The following GPC5 variants were observed in gnomAD, a reference collection of about 807,000 sequenced individuals.
GPC5 encodes glypican-5.
GPC5 carries 47 observed loss-of-function variants against 53.9 expected under a neutral mutation model. The observed-to-expected ratio is 0.87, with a 90% CI of 0.69 to 1.11. GPC5 has a LOEUF of 1.11. GPC5 is among the 50% of genes most tolerant of loss of function. The pLI, the probability that GPC5 is intolerant of heterozygous loss-of-function variation, is 0.00. For missense variants in GPC5, 748 were observed against 713.1 expected, an observed-to-expected ratio of 1.05 and a Z score of -0.56; for synonymous variants, 286 against 263.3, an observed-to-expected ratio of 1.09 and a Z score of -0.84.
In GPC5 at chr13:91,476,190, G is replaced by A. The variant is rs74621930; in HGVS notation, c.325+27268G>A. Among the ~76,000 whole-genome samples the A allele has an allele frequency of 4.3e-3, 660 of 152,276 alleles. 4 individuals are homozygous for A. Among genetic ancestry groups the A allele is most frequent in the African/African-American group, 0.015 (627 of 41,564 alleles). ...GACATCTACCCACTAGATGCCAGTA[G>A]CCCCTTCCCCGTTCCCAGCCATGAC... On this transcript the variant is annotated intron_variant, in intron 2 of 7. Coordinates refer to ENST00000377067, the MANE Select transcript of GPC5 (RefSeq NM_004466.6).
At chr13:92,277,820 G>C (rs1272442551) in intron 7 of GPC5, among the ~76,000 whole-genome samples, 1 of 151,756 alleles carries the variant, frequency 6.6e-6, no homozygotes, top group African/African-American at 2.4e-5. Context: ...TCAATATGTA[G>C]TCCATGAACA....
chr13:92,290,368 C>G (rs1260360957), intron 7 of GPC5, among the ~76,000 whole-genome samples: 1 of 152,096 alleles, frequency 6.6e-6, no homozygotes, highest in East Asian at 1.9e-4. Flanking sequence ...TATTGAGGAA[C>G]AGGTTGTGTT....
At chr13:91,555,710 A>G (rs926103065) in intron 2 of GPC5, among the ~76,000 whole-genome samples, 1 of 152,072 alleles carries the variant, frequency 6.6e-6, no homozygotes, top group South Asian at 2.1e-4. Flanking sequence ...TCATAGTTCC[A>G]TGTGGCTGGG....
chr13:92,443,859 G>A (rs751047502), intron 7 of GPC5, among the ~76,000 whole-genome samples: 20 of 152,188 alleles, frequency 1.3e-4, no homozygotes, highest in Non-Finnish European at 2.5e-4. Flanking sequence ...ATCTGTTTCT[G>A]AGGAAAATGA....
intron 5 of GPC5, among the ~76,000 whole-genome samples, chr13:91,891,645 T>C (rs1308525896): frequency 6.6e-6 from 1 of 152,112 alleles, no homozygotes; most frequent in Non-Finnish European, 1.5e-5. Context: ...ACCAAAAGCT[T>C]ATGAGAGAAA....
intron 7 of GPC5, among the ~76,000 whole-genome samples, chr13:92,753,587 A>G (rs1220100676): frequency 2.6e-5 from 4 of 152,142 alleles, no homozygotes; most frequent in Non-Finnish European, 5.9e-5. Context: ...TTTGAAAAAA[A>G]TTTAGAAGAA....
At chr13:91,938,615 C>A (rs1241146208) in intron 6 of GPC5, among the ~76,000 whole-genome samples, 1 of 152,100 alleles carries the variant, frequency 6.6e-6, no homozygotes, top group East Asian at 1.9e-4. Context: ...GTTTAAAGAG[C>A]ATCCTGTACC....
rs376157743 is a variant in GPC5 at position 91,540,308 on chromosome 13, C to A, written c.325+91386C>A. ...CACAACACTTCTCTGCCTTGTAAGA[C>A]CTGCCTCAAGATCACTCTGGCCAGG... On this transcript the variant is annotated intron_variant, in intron 2 of 7. Coordinates refer to ENST00000377067, the MANE Select transcript of GPC5 (RefSeq NM_004466.6). 1.7e-4 allele frequency among the ~76,000 whole-genome samples: 26 copies of A among 152,332 alleles called. No individual in the cohort carries two copies. In the East Asian group the frequency reaches 1.9e-3, roughly 11 times the overall value.
At chr13:91,551,237 C>T (rs1456021905) in intron 2 of GPC5, among the ~76,000 whole-genome samples, 4 of 151,908 alleles carry the variant, frequency 2.6e-5, no homozygotes, top group African/African-American at 9.7e-5. Flanking sequence ...GGCTATGGCT[C>T]AGTGAATAAA....
At chr13:91,654,554 A>G (rs1210820909) in intron 2 of GPC5, among the ~76,000 whole-genome samples, 2 of 152,192 alleles carry the variant, frequency 1.3e-5, no homozygotes, top group Non-Finnish European at 2.9e-5. Flanking sequence ...ATATACATGC[A>G]TACACGATGT....
intron 1 of GPC5, among the ~76,000 whole-genome samples, chr13:91,415,750 G>C (rs542572638): frequency 4.1e-5 from 6 of 146,804 alleles, no homozygotes; most frequent in South Asian, 2.2e-4. Context: ...CGGGGGTGGG[G>C]GGGGTGGGGG....
At chr13:92,220,389 G>C (rs1594009363) in intron 7 of GPC5, among the ~76,000 whole-genome samples, 1 of 152,286 alleles carries the variant, frequency 6.6e-6, no homozygotes, top group East Asian at 1.9e-4. Flanking sequence ...GCAACTCACT[G>C]ACCTTAGGAA....
At chr13:92,811,534 T>A (rs1877299519) in intron 7 of GPC5, among the ~76,000 whole-genome samples, 1 of 151,998 alleles carries the variant, frequency 6.6e-6, no homozygotes, top group South Asian at 2.1e-4. Flanking sequence ...TTATCAGATA[T>A]TAGATTTACA....
chr13:92,839,540 GA>G (rs112429541), intron 7 of GPC5, among the ~76,000 whole-genome samples: 14,759 of 152,058 alleles, frequency 0.097, 1,275 homozygotes, highest in African/African-American at 0.23. Context: ...ACTTATAAGT[GA>G]AAACATGTGG....
rs561812309 is a variant in GPC5, at chr13:92,546,966, T to C, written c.1562-319316T>C. On this transcript the variant is annotated intron_variant, in intron 7 of 7. Transcript: ENST00000377067. The stretch of plus-strand genomic sequence containing the variant: ...GTGCTGGGAAAACTGGCTAGCCATA[T>C]GTAGAAAGCTGAAACTGGATCCCTT... 3.2e-3 allele frequency among the ~76,000 whole-genome samples: 481 copies of C among 152,322 alleles called. 4 individuals are homozygous for C. Among genetic ancestry groups the C allele is most frequent in the African/African-American group, 0.011 (448 of 41,576 alleles).
At chr13:92,506,383 A>T (rs1447163173) in intron 7 of GPC5, among the ~76,000 whole-genome samples, 1 of 152,176 alleles carries the variant, frequency 6.6e-6, no homozygotes, top group Non-Finnish European at 1.5e-5. Flanking sequence ...AAGAAAAACT[A>T]AGGCCAGTTT....
At chr13:92,576,209 G>A (rs1883185689) in intron 7 of GPC5, among the ~76,000 whole-genome samples, 1 of 152,160 alleles carries the variant, frequency 6.6e-6, no homozygotes, top group African/African-American at 2.4e-5. Context: ...ACATAAATGT[G>A]TTTTATGAAA....
intron 7 of GPC5, among the ~76,000 whole-genome samples, chr13:92,272,475 A>G (rs2042846629): frequency 6.6e-6 from 1 of 152,330 alleles, no homozygotes; most frequent in South Asian, 2.1e-4. Flanking sequence ...ATAGGAAGAT[A>G]GTGATTCTGC....
At chr13:92,764,348 T>C (rs865845942) in intron 7 of GPC5, among the ~76,000 whole-genome samples, 209 of 152,314 alleles carry the variant, frequency 1.4e-3, no homozygotes, top group African/African-American at 4.8e-3. Context: ...GCAAGATGCA[T>C]TCCAGCAATG....
Sources: allele counts gnomAD v4.1 joint callset (sites outside exome capture counted in the v4.1 genomes callset), GRCh38; gene constraint gnomAD v4.1.1; transcripts MANE v1.5; gene names NCBI Gene and HGNC (gene_info 2026-07-23, HGNC 2026-07-21).